CSRNP3: variants seen among roughly 807,000 people sequenced by gnomAD.
CSRNP3 encodes the protein cysteine/serine-rich nuclear protein 3.
Under a neutral mutation model 48.0 loss-of-function variants are expected in CSRNP3, and 12 were observed. That is an observed-to-expected ratio of 0.25 (90% confidence interval 0.16 to 0.41). The LOEUF (loss-of-function observed/expected upper bound fraction) is 0.41, where lower values mean the gene tolerates loss of function less well. Among genes scored for constraint, CSRNP3 ranks in the 10% least tolerant of loss-of-function variants. The probability of loss-of-function intolerance (pLI) is 1.00; values close to 1 mark genes in which losing one functional copy is unlikely to be tolerated. For synonymous variants in CSRNP3, 263 were observed against 269.7 expected (o/e 0.98, Z 0.24); for missense variants, 580 against 724.4 (o/e 0.80, Z 2.29).
intron 6 of CSRNP3, 145 bp from the exon 7 acceptor site, chr2:165,678,556 T>C: frequency 6.6e-6 from 6 of 906,630 alleles, no homozygotes; most frequent in Non-Finnish European, 9.8e-6. Context: ...TTTTCATTTC[T>C]ATTTGAAGTT....
At chr2:165,502,416 A>G (rs1206438803) in intron 2 of CSRNP3, among the ~76,000 whole-genome samples, 1 of 151,990 alleles carries the variant, frequency 6.6e-6, no homozygotes, top group East Asian at 1.9e-4. Flanking sequence ...CACAATTTGT[A>G]TTTATATGCT....
At chr2:165,562,608 A>C (rs1324422929) in intron 3 of CSRNP3, among the ~76,000 whole-genome samples, 1 of 152,176 alleles carries the variant, frequency 6.6e-6, no homozygotes, top group Non-Finnish European at 1.5e-5. Context: ...AGCACATTCT[A>C]AAGATAGCTG....
At chr2:165,627,982 TTAA>T (rs1686467164) in intron 4 of CSRNP3, among the ~76,000 whole-genome samples, 1 of 152,208 alleles carries the variant, frequency 6.6e-6, no homozygotes, top group Non-Finnish European at 1.5e-5. Context: ...ACTGGAGCTG[TTAA>T]TGCTTCGAAA....
intron 3 of CSRNP3, 53 bp downstream of exon 3, chr2:165,518,014 T>C (rs190336992): frequency 6.6e-6 from 1 of 152,486 alleles, no homozygotes; most frequent in East Asian, 1.9e-4. Context: ...TGGGATATAA[T>C]CTGTGCATCT....
chr2:165,588,434 G>T (rs1273121104), intron 3 of CSRNP3, among the ~76,000 whole-genome samples: 5 of 152,188 alleles, frequency 3.3e-5, no homozygotes, highest in Admixed American at 2.0e-4. Context: ...CCTTGAAAAC[G>T]CATTGAAAGC....
Position 165,485,640 on chromosome 2 carries a change from A to G in CSRNP3, c.-282-9119A>G, listed in dbSNP as rs528671569. On this transcript the variant is annotated intron_variant, in intron 1 of 6. Coordinates refer to ENST00000651982, the MANE Select transcript of CSRNP3 (RefSeq NM_001172173.2). The stretch of plus-strand genomic sequence containing the variant: ...CAGGTAGTGGTGATTTGACTTTCAA[A>G]AATTTTGAATAAATAACTTTAGGGA... Among the ~76,000 whole-genome samples, 3 of 152,326 alleles carry G rather than the reference A, an allele frequency of 2.0e-5. No individual in the cohort carries two copies. In the East Asian group the frequency reaches 5.8e-4, roughly 29 times the overall value.
chr2:165,676,323 T>C lies in CSRNP3; in HGVS notation c.420T>C (p.Asn140=), dbSNP rs757771238. The part of the protein sequence containing the change: ...LNSLKLKMTK[N]GTVESEEAST... ...CTTTGTGTTTTTAGATGACTAAGAATGGCACAGTAGAATCAGAAGAAGCCA... is the reference window on the plus strand; with the variant it reads ...CTTTGTGTTTTTAGATGACTAAGAACGGCACAGTAGAATCAGAAGAAGCCA... The change falls in exon 6 of 7, where the codon AAT becomes AAC. Residue 140 remains asparagine (N), a synonymous_variant. Transcript: ENST00000651982. 1.5e-5 allele frequency: 25 copies of C among 1,613,112 alleles called. No individual in the cohort carries two copies. Among genetic ancestry groups the C allele is most frequent in the Non-Finnish European group, 5.9e-6 (7 of 1,179,442 alleles).
chr2:165,661,616 G>C (rs1558965772), intron 5 of CSRNP3, among the ~76,000 whole-genome samples: 3 of 152,146 alleles, frequency 2.0e-5, no homozygotes, highest in South Asian at 2.1e-4. Flanking sequence ...ATAAACCAGG[G>C]ACCTTTTGTA....
intron 1 of CSRNP3, among the ~76,000 whole-genome samples, chr2:165,485,149 A>G (rs1574796951): frequency 6.6e-6 from 1 of 152,294 alleles, no homozygotes; most frequent in South Asian, 2.1e-4. Flanking sequence ...GTCTATCGGA[A>G]ACTAAGGTGG....
chr2:165,474,945 T>C (rs530176131), intron 1 of CSRNP3, among the ~76,000 whole-genome samples: 4 of 152,330 alleles, frequency 2.6e-5, no homozygotes, highest in Admixed American at 2.6e-4. Flanking sequence ...TTTTAGCAAG[T>C]GTGGATACAG....
intron 4 of CSRNP3, among the ~76,000 whole-genome samples, chr2:165,637,038 T>C (rs1466785261): frequency 6.6e-6 from 1 of 152,170 alleles, no homozygotes; most frequent in East Asian, 1.9e-4. Flanking sequence ...TTTGTTTTTG[T>C]TTTTAGCTAA....
intron 4 of CSRNP3, among the ~76,000 whole-genome samples, chr2:165,642,239 A>G (rs565238396): frequency 6.6e-6 from 1 of 152,242 alleles, no homozygotes; most frequent in East Asian, 1.9e-4. Context: ...AATGATTCCA[A>G]AGAGCTTTAT....
intron 3 of CSRNP3, among the ~76,000 whole-genome samples, chr2:165,531,608 G>A (rs989521911): frequency 6.6e-6 from 1 of 152,066 alleles, no homozygotes; most frequent in Non-Finnish European, 1.5e-5. Context: ...TGGCTGCATA[G>A]TATTTCATGG....
At chr2:165,674,084 A>AT (rs1380828815) in intron 5 of CSRNP3, among the ~76,000 whole-genome samples, 9 of 152,072 alleles carry the variant, frequency 5.9e-5, no homozygotes, top group Non-Finnish European at 1.3e-4. Flanking sequence ...TAAAATGGAG[A>AT]TTTTGTTGTT....
intron 3 of CSRNP3, among the ~76,000 whole-genome samples, chr2:165,577,364 C>G (rs1291680943): frequency 6.6e-6 from 1 of 151,630 alleles, no homozygotes; most frequent in African/African-American, 2.4e-5. Context: ...TTTTAAAGAT[C>G]TTATTAGACC....
chr2:165,527,159 A>T (rs1285474315), intron 3 of CSRNP3, among the ~76,000 whole-genome samples: 2 of 151,128 alleles, frequency 1.3e-5, no homozygotes, highest in Non-Finnish European at 2.9e-5. Flanking sequence ...GTGAAAAATA[A>T]GTTTATGAAA....
chr2:165,578,394 A>G (rs985058570), intron 3 of CSRNP3, among the ~76,000 whole-genome samples: 3 of 152,090 alleles, frequency 2.0e-5, no homozygotes, highest in Non-Finnish European at 2.9e-5. Flanking sequence ...AGACAGCTGA[A>G]TCGTCAACCA....
At chr2:165,596,160 C>T (rs1201373714) in intron 4 of CSRNP3, among the ~76,000 whole-genome samples, 1 of 140,894 alleles carries the variant, frequency 7.1e-6, no homozygotes, top group Non-Finnish European at 1.5e-5. Context: ...TTTTTTGCCA[C>T]ATTGTAATGT....
chr2:165,547,027 A>G (rs1338193663), intron 3 of CSRNP3, among the ~76,000 whole-genome samples: 2 of 152,078 alleles, frequency 1.3e-5, no homozygotes, highest in Non-Finnish European at 2.9e-5. Context: ...TCCTTCTCCA[A>G]TTTACTCCCT....
Sources: gnomAD v4.1 joint callset for allele counts (sites outside exome capture counted in the v4.1 genomes callset) on GRCh38, gnomAD v4.1.1 for gene constraint, MANE v1.5 for transcripts, NCBI Gene and HGNC (gene_info 2026-07-23, HGNC 2026-07-21) for gene names.